DZIP1L: variants seen among roughly 807,000 people sequenced by gnomAD.
DZIP1L encodes cilium assembly protein DZIP1L.
In DZIP1L, 90 loss-of-function variants were observed where a neutral mutation model predicts 88.7. That is an observed-to-expected ratio of 1.02 (90% CI 0.86 to 1.21). The LOEUF (loss-of-function observed/expected upper bound fraction) is 1.21. Ranked by LOEUF, DZIP1L falls within the 50% of genes most tolerant of loss-of-function variation. The pLI is 0.00. For synonymous variants in DZIP1L, 363 were observed against 372.1 expected (o/e 0.98, Z 0.28); for missense variants, 932 against 955.8 (o/e 0.98, Z 0.33).
Position 138,094,988 on chromosome 3 carries a change from G to A in DZIP1L, c.587-5C>T, listed in dbSNP as rs756353324. 5 of 1,614,160 alleles carry A rather than the reference G, an allele frequency of 3.1e-6. No individual in the cohort carries two copies. The highest frequency in any genetic ancestry group is 1.1e-5 in the South Asian group (1 of 91,072). ...GTTCCTGTTTCTTCTGTTTTCCTGT[G>A]GGGTCCACGCAAAGACAGGTGACCA... is the stretch of plus-strand genomic sequence containing the variant. On this transcript the variant is annotated splice_region_variant and splice_polypyrimidine_tract_variant and intron_variant, in intron 3 of 15. Coordinates refer to ENST00000327532, the MANE Select transcript of DZIP1L (RefSeq NM_173543.3).
intron 12 of DZIP1L, chr3:138,069,129 C>A (rs1472968755): frequency 2.8e-6 from 2 of 707,114 alleles, no homozygotes; most frequent in Admixed American, 4.3e-5. Context: ...CGTGAGACAG[C>A]AAGAGCAACC....
At chr3:138,075,045 A>G (rs1371549417) in intron 11 of DZIP1L, among the ~76,000 whole-genome samples, 1 of 152,050 alleles carries the variant, frequency 6.6e-6, no homozygotes, top group Non-Finnish European at 1.5e-5. Context: ...AACAGCAGTT[A>G]AAAAAGACAA....
At chr3:138,089,053 T>C (rs534821271) in intron 5 of DZIP1L, 1 of 985,450 alleles carries the variant, frequency 1.0e-6, no homozygotes, top group East Asian at 1.1e-4. Flanking sequence ...AGGATGCCTT[T>C]CCACCCACCT....
At position 138,103,511 on chromosome 3, in the gene DZIP1L, T is replaced by G. The variant is rs778668538; in HGVS notation, c.461A>C (p.Gln154Pro). Residue 154 changes from glutamine (Q) to proline (P), a missense_variant, in exon 2 of 16, where the codon CAG becomes CCG. Gln to Pro is a moderately conservative substitution (Grantham distance 76). Transcript: ENST00000327532. ...GGTGCCTGTCTGCATTAGCAGCTGC[T>G]GCAGGGTGCTGATCATCTTGCGACG... ...RRRRKMISTL[Q>P]QLLMQTGTHS... is the part of the protein sequence containing the mutation. 2 of 1,610,048 alleles carry G rather than the reference T, an allele frequency of 1.2e-6. No individual in the cohort carries two copies. The highest frequency in any genetic ancestry group is 1.7e-6 in the Non-Finnish European group (2 of 1,178,170).
intron 13 of DZIP1L, among the ~76,000 whole-genome samples, 187 bp downstream of exon 13, chr3:138,067,964 T>G (rs1034271141): frequency 6.6e-6 from 1 of 152,086 alleles, no homozygotes; most frequent in Non-Finnish European, 1.5e-5. Context: ...GAGGGTGGGT[T>G]TGTCTTGGCT....
chr3:138,090,180 T>TA (rs952893934), intron 5 of DZIP1L, among the ~76,000 whole-genome samples: 4 of 151,358 alleles, frequency 2.6e-5, no homozygotes, highest in South Asian at 2.1e-4. Flanking sequence ...AATTAAAAAT[T>TA]AAAAAAAAGA....
chr3:138,069,769 A>G (rs1943092935), intron 12 of DZIP1L, among the ~76,000 whole-genome samples: 2 of 152,160 alleles, frequency 1.3e-5, no homozygotes. Flanking sequence ...CCTCACCGCT[A>G]CTTCCCACAG....
intron 9 of DZIP1L, among the ~76,000 whole-genome samples, chr3:138,081,312 G>A (rs1418114119): frequency 9.9e-5 from 15 of 152,176 alleles, no homozygotes; most frequent in Admixed American, 9.8e-4. Context: ...CCAAGAGGAG[G>A]AGACTGTATA....
At chr3:138,083,758 C>T (rs973415875) in intron 8 of DZIP1L, among the ~76,000 whole-genome samples, 2 of 152,172 alleles carry the variant, frequency 1.3e-5, no homozygotes, top group Non-Finnish European at 2.9e-5. Context: ...GCTTATTTCA[C>T]CATCTGTCGA....
intron 2 of DZIP1L, among the ~76,000 whole-genome samples, 155 bp from the exon 3 acceptor site, chr3:138,098,002 T>C (rs1340320283): frequency 2.0e-5 from 3 of 152,206 alleles, no homozygotes; most frequent in African/African-American, 7.2e-5. Flanking sequence ...TGTCAGCCCA[T>C]GCTGCCCACT....
chr3:138,079,096 C>T (rs1255873406), intron 10 of DZIP1L, among the ~76,000 whole-genome samples: 1 of 152,174 alleles, frequency 6.6e-6, no homozygotes, highest in East Asian at 1.9e-4. Context: ...TAAAAAATTC[C>T]CAAGTGATGC....
chr3:138,088,526 A>G lies in DZIP1L; in HGVS notation c.871-19T>C. 1 of 1,609,642 alleles carries G rather than the reference A, an allele frequency of 6.2e-7. No homozygotes were observed. Among genetic ancestry groups the G allele is most frequent in the Non-Finnish European group, 8.5e-7 (1 of 1,178,000 alleles). On this transcript the variant is annotated intron_variant, in intron 5 of 15. Transcript: ENST00000327532. ...GCAGTTTCTGAAAAGGCCAGGGCAT[A>G]GTTTTATTCAGATGAAGATCTCATC...
At position 138,084,239 on chromosome 3, in the gene DZIP1L, G is replaced by C; in HGVS notation, c.1077C>G (p.Asn359Lys). 1 of 1,613,930 alleles carries C rather than the reference G, an allele frequency of 6.2e-7. No individual in the cohort carries two copies. Among genetic ancestry groups the C allele is most frequent in the Non-Finnish European group, 8.5e-7 (1 of 1,179,900 alleles). The change falls in exon 8 of 16, where the codon AAC (asparagine) becomes AAG (lysine). Residue 359 changes from asparagine to lysine, a missense_variant. By Grantham distance (94) the Asn-to-Lys change is moderately conservative. Transcript: ENST00000327532. ...MAEKKELQEE[N>K]QRLQASLSQD... ...GAGACAGGGAGGCCTGGAGCCTCTG[G>C]TTCTCCTCCTGTAGCTGGCAGGCAC...
chr3:138,066,729 C>T (rs1201465389), intron 14 of DZIP1L, among the ~76,000 whole-genome samples: 1 of 152,002 alleles, frequency 6.6e-6, no homozygotes, highest in East Asian at 1.9e-4. Flanking sequence ...CCTCGAGCTT[C>T]CACAGAAGAA....
At chr3:138,102,151 T>A in intron 2 of DZIP1L, 1 of 1,382,914 alleles carries the variant, frequency 7.2e-7, no homozygotes. Flanking sequence ...ATGCTGTCCA[T>A]GTCCAGGGAG....
chr3:138,094,046 C>A (rs907553897), intron 4 of DZIP1L, among the ~76,000 whole-genome samples: 2 of 152,230 alleles, frequency 1.3e-5, no homozygotes, highest in Non-Finnish European at 2.9e-5. Flanking sequence ...GCCTTCATCA[C>A]TAAACTTAAT....
intron 9 of DZIP1L, among the ~76,000 whole-genome samples, chr3:138,081,491 C>T (rs557768787): frequency 6.6e-6 from 1 of 152,322 alleles, no homozygotes; most frequent in Admixed American, 6.5e-5. Flanking sequence ...CACCCTCCTC[C>T]CCACTGCCTC....
chr3:138,069,834 T>C (rs575145474), intron 12 of DZIP1L, among the ~76,000 whole-genome samples: 14 of 152,098 alleles, frequency 9.2e-5, no homozygotes, highest in African/African-American at 3.4e-4. Context: ...AGGTGAGCAT[T>C]AAGACAGCAC....
intron 7 of DZIP1L, among the ~76,000 whole-genome samples, chr3:138,084,468 C>A (rs535518357): frequency 6.6e-6 from 1 of 152,234 alleles, no homozygotes; most frequent in African/African-American, 2.4e-5. Context: ...CCTTTAAGAC[C>A]AGGAGAGAAA....
Sources: allele counts gnomAD v4.1 joint callset (sites outside exome capture counted in the v4.1 genomes callset), GRCh38; gene constraint gnomAD v4.1.1; transcripts MANE v1.5; gene names NCBI Gene and HGNC (gene_info 2026-07-23, HGNC 2026-07-21).